The following UBR3 variants were observed in gnomAD, a reference collection of about 807,000 sequenced individuals.
The protein encoded by UBR3 is E3 ubiquitin-protein ligase UBR3.
UBR3 carries 85 observed loss-of-function variants against 243.2 expected under a neutral mutation model. The ratio of observed to expected loss-of-function variants is 0.35; its 90% CI spans 0.29 to 0.42. UBR3 has a LOEUF of 0.42. UBR3 is among the 10% of genes least tolerant of loss of function. The probability of loss-of-function intolerance (pLI) is 1.00; values close to 1 mark genes in which losing one functional copy is unlikely to be tolerated. For missense variants in UBR3, 1,686 were observed against 2,300.8 expected, an observed-to-expected ratio of 0.73 and a Z score of 5.47; for synonymous variants, 748 against 799.8, an observed-to-expected ratio of 0.94 and a Z score of 1.09.
intron 25 of UBR3, 148 bp from the exon 26 acceptor site, chr2:169,994,175 A>G: frequency 3.5e-6 from 3 of 862,298 alleles, no homozygotes; most frequent in Non-Finnish European, 5.2e-6. Flanking sequence ...GGAGAAAACT[A>G]GAATACCACT....
chr2:170,044,756 T>C (rs1386939026), intron 32 of UBR3, among the ~76,000 whole-genome samples: 1 of 152,176 alleles, frequency 6.6e-6, no homozygotes, highest in Non-Finnish European at 1.5e-5. Context: ...CACCAGATTC[T>C]TTATGGTATG....
At chr2:169,966,048 A>T (rs529865651) in intron 24 of UBR3, among the ~76,000 whole-genome samples, 2 of 152,306 alleles carry the variant, frequency 1.3e-5, no homozygotes, top group African/African-American at 4.8e-5. Context: ...ACACATTTCT[A>T]CTGTGATTAG....
intron 32 of UBR3, among the ~76,000 whole-genome samples, chr2:170,045,870 T>A (rs537364332): frequency 2.0e-5 from 3 of 152,216 alleles, no homozygotes; most frequent in South Asian, 2.1e-4. Context: ...AAAATAATTT[T>A]AAAAAATCGT....
At chr2:169,920,638 T>G (rs1488344997) in intron 11 of UBR3, among the ~76,000 whole-genome samples, 1 of 152,152 alleles carries the variant, frequency 6.6e-6, no homozygotes, top group African/African-American at 2.4e-5. Flanking sequence ...TTTGCCTATG[T>G]GGTGAAATAC....
At chr2:169,830,493 A>G (rs1441887501) in intron 1 of UBR3, among the ~76,000 whole-genome samples, 1 of 152,214 alleles carries the variant, frequency 6.6e-6, no homozygotes, top group Non-Finnish European at 1.5e-5. Context: ...ACAGAAGAGG[A>G]AAGTAGGGCA....
chr2:170,080,230 T>C (rs2091884442), intron 37 of UBR3: 2 of 596,716 alleles, frequency 3.4e-6, no homozygotes, highest in South Asian at 2.4e-5. Context: ...AGTACAATTC[T>C]AGTTCTCCTT....
intron 38 of UBR3, among the ~76,000 whole-genome samples, chr2:170,081,291 G>A (rs1401375423): frequency 6.6e-6 from 1 of 152,192 alleles, no homozygotes; most frequent in Non-Finnish European, 1.5e-5. Flanking sequence ...TTGAGGTCAG[G>A]AGTTCGAGAC....
chr2:170,081,952 A>C lies in UBR3; in HGVS notation c.*109A>C. The C allele has an allele frequency of 1.3e-6, 1 of 764,040 alleles. No individual in the cohort carries two copies. Among genetic ancestry groups the C allele is most frequent in the Non-Finnish European group, 2.0e-6 (1 of 505,700 alleles). 47.3% of individuals were successfully genotyped at this position (764,040 alleles called of 1,614,324 possible). On this transcript the variant is annotated 3_prime_UTR_variant, in exon 39 of 39. Coordinates refer to ENST00000272793, the MANE Select transcript of UBR3 (RefSeq NM_172070.4). ...TTAACACTTTTGCTGAGGGAGAAAAAGAAAACATACATTATGAAGCCTTTC... is the reference window on the plus strand; with the variant it reads ...TTAACACTTTTGCTGAGGGAGAAAACGAAAACATACATTATGAAGCCTTTC...
intron 5 of UBR3, among the ~76,000 whole-genome samples, chr2:169,881,111 A>G (rs1315805339): frequency 1.3e-5 from 2 of 152,102 alleles, no homozygotes; most frequent in African/African-American, 2.4e-5. Context: ...AGCTGAGAAG[A>G]TTTACTTTTA....
At chr2:169,923,078 G>C (rs1399492987) in intron 11 of UBR3, among the ~76,000 whole-genome samples, 1 of 152,168 alleles carries the variant, frequency 6.6e-6, no homozygotes, top group Admixed American at 6.5e-5. Context: ...GACAGCTGTG[G>C]TGTATTTTTG....
chr2:169,950,003 C>T lies in UBR3; in HGVS notation c.3483C>T (p.Thr1161=), dbSNP rs761071850. Residue 1161 remains threonine (T), a synonymous_variant, in exon 23 of 39, where the codon ACC becomes ACT. Transcript: ENST00000272793. ...TTGAAGAGATATGTAGAAAAGTGACCCCTCCTGTACCACCTAAAAAAGTCA... is the reference window on the plus strand; with the variant it reads ...TTGAAGAGATATGTAGAAAAGTGACTCCTCCTGTACCACCTAAAAAAGTCA... The part of the protein sequence containing the change: ...RIIEEICRKV[T]PPVPPKKVTA... 7 of 1,599,216 alleles carry T rather than the reference C, an allele frequency of 4.4e-6. No individual in the cohort carries two copies. In the African/African-American group the frequency reaches 9.5e-5, roughly 22 times the overall value.
chr2:169,991,791 C>A (rs977658558), intron 25 of UBR3, among the ~76,000 whole-genome samples: 7 of 152,120 alleles, frequency 4.6e-5, no homozygotes, highest in African/African-American at 1.7e-4. Flanking sequence ...ACTGTGTTAG[C>A]CAGGATGGTC....
chr2:169,892,461 C>A (rs772892339), intron 6 of UBR3, among the ~76,000 whole-genome samples: 2 of 152,156 alleles, frequency 1.3e-5, no homozygotes, highest in Non-Finnish European at 2.9e-5. Flanking sequence ...ACTTTTTATG[C>A]AGACTTAAGT....
chr2:169,978,563 T>A (rs1486816698), intron 24 of UBR3, among the ~76,000 whole-genome samples: 1 of 151,954 alleles, frequency 6.6e-6, no homozygotes. Context: ...CAGTAGGGCT[T>A]AGTAGCAGCC....
intron 33 of UBR3, among the ~76,000 whole-genome samples, chr2:170,059,613 T>G (rs187697816): frequency 1.8e-3 from 271 of 152,274 alleles, no homozygotes; most frequent in African/African-American, 6.2e-3. Context: ...ATGTAATCTA[T>G]AGGTTATTAA....
intron 1 of UBR3, among the ~76,000 whole-genome samples, chr2:169,844,076 G>A (rs2105287136): frequency 6.9e-6 from 1 of 144,792 alleles, no homozygotes; most frequent in South Asian, 2.1e-4. Flanking sequence ...GCGCGACCTC[G>A]GCTCATTGCA....
At chr2:170,026,458 T>G (rs532144700) in intron 30 of UBR3, among the ~76,000 whole-genome samples, 1 of 152,264 alleles carries the variant, frequency 6.6e-6, no homozygotes, top group South Asian at 2.1e-4. Context: ...ATTATTACTA[T>G]ATAATAGACC....
intron 32 of UBR3, among the ~76,000 whole-genome samples, chr2:170,044,122 C>A (rs987288785): frequency 1.3e-5 from 2 of 152,000 alleles, no homozygotes; most frequent in Admixed American, 1.3e-4. Context: ...ATAAATTTTT[C>A]TTCTCCACTC....
At chr2:170,033,593 C>A (rs923175009) in intron 31 of UBR3, among the ~76,000 whole-genome samples, 2 of 109,508 alleles carry the variant, frequency 1.8e-5, no homozygotes, top group Admixed American at 1.1e-4. Flanking sequence ...CCCCCCCCCC[C>A]CCAATATTTG....
Sources: allele counts gnomAD v4.1 joint callset (sites outside exome capture counted in the v4.1 genomes callset), GRCh38; gene constraint gnomAD v4.1.1; transcripts MANE v1.5; gene names NCBI Gene and HGNC (gene_info 2026-07-23, HGNC 2026-07-21).